Variants in LAMA5 observed in about 807,000 individuals in gnomAD.
LAMA5 encodes the protein laminin subunit alpha-5.
LAMA5 carries 260 observed loss-of-function variants against 433.4 expected under a neutral mutation model. The ratio of observed to expected loss-of-function variants is 0.60; its 90% CI spans 0.54 to 0.66. LAMA5 has a LOEUF of 0.66. Ranked by LOEUF, LAMA5 falls within the 30% of genes least tolerant of loss-of-function variation. The pLI, the probability that LAMA5 is intolerant of heterozygous loss-of-function variation, is 0.00. For missense variants in LAMA5, 5,378 were observed against 5,258.5 expected (o/e 1.02, Z -0.70); for synonymous variants, 2,620 against 2,226.6 (o/e 1.18, Z -4.97).
At position 62,359,551 on chromosome 20, in the gene LAMA5, T is replaced by C. The variant is rs996191429; in HGVS notation, c.450+2849A>G. Among the ~76,000 whole-genome samples the C allele has an allele frequency of 6.6e-6, 1 of 152,048 alleles. No individual in the cohort carries two copies. Among genetic ancestry groups the C allele is most frequent in the African/African-American group, 2.4e-5 (1 of 41,390 alleles). Reference sequence around the variant, plus strand: ...TGAGGCCAGTGATGTGGCCGCTCAGTTCCAGAAGCTTCCGGAGGATGCAAG... The same window carrying C: ...TGAGGCCAGTGATGTGGCCGCTCAGCTCCAGAAGCTTCCGGAGGATGCAAG... On this transcript the variant is annotated intron_variant, in intron 2 of 79. Transcript: ENST00000252999. The surrounding 1 kb of genome is among the most constrained non-coding windows in gnomAD (Gnocchi z 4.3).
Position 62,327,344 on chromosome 20 carries a change from C to A in LAMA5, c.5001G>T (p.Arg1667=). The change falls in exon 38 of 80, where the codon CGG becomes CGT. Residue 1667 remains arginine, a synonymous_variant. Transcript: ENST00000252999. The part of the protein sequence containing the change: ...STDRQVVPHE[R]QPGTEMLRAD... ...CACGGAGCATCTCCGTCCCTGGCTG[C>A]CGCTCGTGGGGCACCACCTGCCGGT... 6.2e-7 allele frequency: 1 copy of A among 1,601,500 alleles called. No individual in the cohort carries two copies.
chr20:62,349,850 T>G (rs1350837838), intron 6 of LAMA5, among the ~76,000 whole-genome samples: 7 of 72,414 alleles, frequency 9.7e-5, no homozygotes, highest in Admixed American at 1.5e-4. Flanking sequence ...ATGGTGGGAG[T>G]GGGCTGGTAG....
intron 69 of LAMA5, 43 bp downstream of exon 69, chr20:62,312,130 G>A (rs765603548): frequency 1.9e-5 from 30 of 1,608,986 alleles, no homozygotes; most frequent in African/African-American, 5.3e-5. Context: ...CTGCTCCGAC[G>A]GCCACCGCGG....
At chr20:62,334,987 G>A in intron 20 of LAMA5, 34 bp downstream of exon 20, 1 of 1,589,406 alleles carries the variant, frequency 6.3e-7, no homozygotes, top group Non-Finnish European at 8.6e-7. Flanking sequence ...GGGGAGGCAG[G>A]GCTGTGGTCT....
In LAMA5 at chr20:62,309,449, G is replaced by C; in HGVS notation, c.10975C>G (p.Pro3659Ala). 1 of 1,584,246 alleles carries C rather than the reference G, an allele frequency of 6.3e-7. No homozygotes were observed. ...PEPMAVQPWP[P>A]AYCGCMRRLA... ...CTCCTCATGCAGCCGCAGTAGGCGG[G>C]GGGCCAGGGCTGCACGGCCATGGGC... Residue 3659 changes from proline to alanine, a missense_variant, in exon 80 of 80, where the codon CCC becomes GCC. By Grantham distance (27) the Pro-to-Ala change is conservative. Coordinates refer to ENST00000252999, the MANE Select transcript of LAMA5 (RefSeq NM_005560.6).
At position 62,309,262 on chromosome 20, in the gene LAMA5, A is replaced by C; in HGVS notation, c.*74T>G. On this transcript the variant is annotated 3_prime_UTR_variant, in exon 80 of 80. Coordinates refer to ENST00000252999, the MANE Select transcript of LAMA5 (RefSeq NM_005560.6). ...CGTAGAGCTTAGAGTCCAAATAGAC[A>C]CCTATGAGGCGAGCACAAGGGGCGG... 1 of 1,431,506 alleles carries C rather than the reference A, an allele frequency of 7.0e-7. No individual in the cohort carries two copies. The highest frequency in any genetic ancestry group is 9.4e-7 in the Non-Finnish European group (1 of 1,060,338). 88.7% of individuals were successfully genotyped at this position (1,431,506 alleles called of 1,614,324 possible). A position where few individuals can be genotyped will look rare whatever the true frequency, so the allele number is the denominator to read the frequency against.
Position 62,322,162 on chromosome 20 carries a change from T to G in LAMA5, c.6353A>C (p.Gln2118Pro), listed in dbSNP as rs764300640. ...AGGGTCACAGCGGCCCCCAGGGCAC[T>G]GGCAGCCTGTGGTGGGGGGCTTGGG... is the stretch of plus-strand genomic sequence containing the variant. ...GLPEQGCRRCQCPGGRCDPHT... is the reference protein window; with the variant it reads ...GLPEQGCRRCPCPGGRCDPHT... The change falls in exon 48 of 80, where the codon CAG becomes CCG. Residue 2118 changes from glutamine to proline, a missense_variant. Physicochemically the swap from Gln to Pro is moderately conservative, Grantham distance 76. Coordinates refer to ENST00000252999, the MANE Select transcript of LAMA5 (RefSeq NM_005560.6). 2 of 1,593,144 alleles carry G rather than the reference T, an allele frequency of 1.3e-6. No individual in the cohort carries two copies. The highest frequency in any genetic ancestry group is 1.1e-5 in the South Asian group (1 of 89,622).
chr20:62,338,243 G>A lies in LAMA5; in HGVS notation c.1745C>T (p.Pro582Leu). ...GAGGCACCACTCACACTGGCAGAGA[G>A]GGAAGTGAAAGTAGCCGGGGGCACA... ...DRCAPGYFHFPLCQLCGCSPA... is the reference protein window; with the variant it reads ...DRCAPGYFHFLLCQLCGCSPA... Residue 582 changes from proline to leucine, a missense_variant, in exon 13 of 80, where the codon CCT becomes CTT. Physicochemically the swap from Pro to Leu is moderately conservative, Grantham distance 98. Coordinates refer to ENST00000252999, the MANE Select transcript of LAMA5 (RefSeq NM_005560.6). The A allele has an allele frequency of 6.3e-7, 1 of 1,597,718 alleles. No homozygotes were observed. The highest frequency in any genetic ancestry group is 1.1e-5 in the South Asian group (1 of 89,000).
At chr20:62,358,041 T>C (rs1290219313) in intron 2 of LAMA5, among the ~76,000 whole-genome samples, 1 of 152,212 alleles carries the variant, frequency 6.6e-6, no homozygotes, top group African/African-American at 2.4e-5. Flanking sequence ...GCCAATGTGG[T>C]GGCTCTTGTT....
intron 26 of LAMA5, 128 bp downstream of exon 26, chr20:62,332,962 C>T: frequency 4.8e-6 from 1 of 210,160 alleles, no homozygotes; most frequent in Admixed American, 1.7e-4. Flanking sequence ...GGGCGCCCTG[C>T]CTGGGTGCTG....
At position 62,345,873 on chromosome 20, in the gene LAMA5, C is replaced by A. The variant is rs965627254; in HGVS notation, c.1422G>T (p.Thr474=). 1.9e-6 allele frequency: 3 copies of A among 1,553,500 alleles called. No homozygotes were observed. The African/African-American group carries it at 4.1e-5, about 21-fold the overall frequency. The stretch of plus-strand genomic sequence containing the variant: ...CCCTGGTGTCATTGGAGGACGAGGG[C>A]GTCGCTGAGGGGAAGAGACACGCAT... ...GFTGFPSCYP[T]PSSSNDTREQ... Residue 474 remains threonine, a synonymous_variant, in exon 11 of 80, where the codon ACG becomes ACT. Coordinates refer to ENST00000252999, the MANE Select transcript of LAMA5 (RefSeq NM_005560.6).
Position 62,311,503 on chromosome 20 carries a change from C to T in LAMA5, c.9840G>A (p.Gln3280=). The change falls in exon 72 of 80, where the codon CAG becomes CAA. Residue 3280 remains glutamine (Q), a synonymous_variant. Coordinates refer to ENST00000252999, the MANE Select transcript of LAMA5 (RefSeq NM_005560.6). ...TCACATTGACGCTGCCCAGGTTCTGCTGCAGATCAAATACGCGCTGTGGGC... is the reference window on the plus strand; with the variant it reads ...TCACATTGACGCTGCCCAGGTTCTGTTGCAGATCAAATACGCGCTGTGGGC... ...LLGPQRVFDL[Q]QNLGSVNVST... 1 of 1,611,282 alleles carries T rather than the reference C, an allele frequency of 6.2e-7. No individual in the cohort carries two copies. The highest frequency in any genetic ancestry group is 8.5e-7 in the Non-Finnish European group (1 of 1,179,162).
intron 6 of LAMA5, chr20:62,351,269 C>A (rs1182684811): frequency 4.2e-6 from 1 of 237,850 alleles, no homozygotes; most frequent in Non-Finnish European, 8.4e-6. Flanking sequence ...TGGGCGGGCA[C>A]CCCCAAAGTG....
intron 2 of LAMA5, chr20:62,355,625 C>G (rs913952806): frequency 1.3e-5 from 2 of 152,390 alleles, no homozygotes; most frequent in East Asian, 3.8e-4. Context: ...GGCTGCCAGG[C>G]TCTGAGGTCA....
At chr20:62,323,755 A>G (rs1978761208) in intron 44 of LAMA5, 21 bp downstream of exon 44, 1 of 1,604,968 alleles carries the variant, frequency 6.2e-7, no homozygotes, top group Non-Finnish European at 8.5e-7. Flanking sequence ...GCCCTGCCCC[A>G]CTGCCCTAGC....
chr20:62,366,550 G>A (rs889229721), intron 1 of LAMA5, among the ~76,000 whole-genome samples: 1 of 152,212 alleles, frequency 6.6e-6, no homozygotes, highest in Admixed American at 6.5e-5. Flanking sequence ...AGGCCAACAG[G>A]TTCCAGCCTG....
intron 16 of LAMA5, 79 bp downstream of exon 16, chr20:62,337,511 G>A (rs912890705): frequency 1.3e-6 from 2 of 1,526,894 alleles, no homozygotes; most frequent in Non-Finnish European, 1.8e-6. Flanking sequence ...CAGCCTCACA[G>A]GAAGGCAGGC....
intron 57 of LAMA5, chr20:62,316,344 C>A (rs562293642): frequency 7.8e-5 from 43 of 552,150 alleles, no homozygotes; most frequent in African/African-American, 7.5e-4. Flanking sequence ...GCAGCTCACA[C>A]CTTTCTCATT....
At chr20:62,358,262 G>C (rs1319578070) in intron 2 of LAMA5, among the ~76,000 whole-genome samples, 1 of 152,192 alleles carries the variant, frequency 6.6e-6, no homozygotes, top group Non-Finnish European at 1.5e-5. Context: ...AGGACACGTA[G>C]AGGGAGGGTT....
Sources: gnomAD v4.1 joint callset for allele counts (sites outside exome capture counted in the v4.1 genomes callset) on GRCh38, gnomAD v4.1.1 for gene constraint, Gnocchi (gnomAD v3.1) non-coding constraint, MANE v1.5 for transcripts, NCBI Gene and HGNC (gene_info 2026-07-23, HGNC 2026-07-21) for gene names.